The following LMNTD1 variants were observed in gnomAD, a reference collection of about 807,000 sequenced individuals.
LMNTD1 encodes the protein lamin tail domain-containing protein 1.
LMNTD1 carries 35 observed loss-of-function variants against 50.9 expected under a neutral mutation model. That is an observed-to-expected ratio of 0.69 (90% CI 0.53 to 0.91). LMNTD1 has a LOEUF of 0.91. LMNTD1 is among the 40% of genes least tolerant of loss of function. The pLI, the probability that LMNTD1 is intolerant of heterozygous loss-of-function variation, is 0.00. For synonymous variants in LMNTD1, 153 were observed against 161.9 expected, an observed-to-expected ratio of 0.94 and a Z score of 0.42; for missense variants, 470 against 475.5, an observed-to-expected ratio of 0.99 and a Z score of 0.11.
At chr12:25,512,544 G>A (rs981303571) in intron 8 of LMNTD1, among the ~76,000 whole-genome samples, 3 of 151,828 alleles carry the variant, frequency 2.0e-5, no homozygotes, top group African/African-American at 7.3e-5. Context: ...ATTCAAAAGC[G>A]GAAAATTTTC....
At chr12:25,595,842 C>A (rs972631354) in intron 1 of LMNTD1, among the ~76,000 whole-genome samples, 2 of 151,770 alleles carry the variant, frequency 1.3e-5, no homozygotes, top group Non-Finnish European at 2.9e-5. Flanking sequence ...AGATCATTAG[C>A]AAGATTAACC....
chr12:25,533,317 T>C (rs1942350017), intron 4 of LMNTD1, among the ~76,000 whole-genome samples: 1 of 152,174 alleles, frequency 6.6e-6, no homozygotes, highest in African/African-American at 2.4e-5. Context: ...TGTGATTGAC[T>C]GAGAGTGGAG....
chr12:25,572,325 T>C (rs1415754665), intron 1 of LMNTD1, among the ~76,000 whole-genome samples: 1 of 152,252 alleles, frequency 6.6e-6, no homozygotes, highest in Non-Finnish European at 1.5e-5. Context: ...CAGAGTATTG[T>C]GATTTAATTT....
rs891411954 is a variant in LMNTD1, at chr12:25,533,465, C to T, written c.492-6510G>A. On this transcript the variant is annotated intron_variant, in intron 4 of 9. Coordinates refer to ENST00000458174, the MANE Select transcript of LMNTD1 (RefSeq NM_001145728.2). ...CACTAATTTATCTATTTGTTGGGCT[C>T]TCCTTGATAGCTCCATGCTATTTAT... Among the ~76,000 whole-genome samples, 9 of 150,790 alleles carry T rather than the reference C, an allele frequency of 6.0e-5. No individual in the cohort carries two copies. In the Admixed American group the frequency reaches 6.0e-4, roughly 10 times the overall value.
chr12:25,534,112 G>A (rs915126035), intron 4 of LMNTD1, among the ~76,000 whole-genome samples: 2 of 152,098 alleles, frequency 1.3e-5, no homozygotes, highest in East Asian at 1.9e-4. Context: ...TCCTAATAAT[G>A]TCTCTACTTT....
chr12:25,638,298 C>T (rs896530191), intron 1 of LMNTD1, among the ~76,000 whole-genome samples: 1 of 152,066 alleles, frequency 6.6e-6, no homozygotes, highest in Non-Finnish European at 1.5e-5. Context: ...TGTCCACTCT[C>T]ATCACATCTA....
At chr12:25,543,166 G>T (rs925837116) in intron 4 of LMNTD1, among the ~76,000 whole-genome samples, 3 of 151,574 alleles carry the variant, frequency 2.0e-5, no homozygotes, top group Non-Finnish European at 1.5e-5. Context: ...GGCCCAGATG[G>T]CTTCACCAAT....
chr12:25,637,421 A>T (rs1946859650), intron 1 of LMNTD1, among the ~76,000 whole-genome samples: 1 of 152,190 alleles, frequency 6.6e-6, no homozygotes. Flanking sequence ...AAATAACATT[A>T]TTTTTAAAAG....
intron 4 of LMNTD1, among the ~76,000 whole-genome samples, chr12:25,542,383 A>G (rs1310751293): frequency 1.3e-5 from 2 of 150,626 alleles, no homozygotes; most frequent in Non-Finnish European, 3.0e-5. Flanking sequence ...ATGGAATACT[A>G]TGCAGCCATA....
At chr12:25,514,063 T>C (rs1398999623) in intron 8 of LMNTD1, among the ~76,000 whole-genome samples, 1 of 152,114 alleles carries the variant, frequency 6.6e-6, no homozygotes, top group Non-Finnish European at 1.5e-5. Flanking sequence ...AAAATGATTC[T>C]TGTAAAGAGG....
intron 1 of LMNTD1, among the ~76,000 whole-genome samples, chr12:25,591,815 G>GAGAC (rs918891386): frequency 3.6e-5 from 4 of 111,274 alleles, no homozygotes; most frequent in African/African-American, 8.4e-5. Context: ...TCAGAACAGA[G>GAGAC]AGAGAGAGAG....
At chr12:25,559,809 T>C (rs1222437174) in intron 1 of LMNTD1, among the ~76,000 whole-genome samples, 1 of 152,246 alleles carries the variant, frequency 6.6e-6, no homozygotes, top group Non-Finnish European at 1.5e-5. Flanking sequence ...ATGATGAACA[T>C]TTTTTCACGT....
chr12:25,501,962 G>T lies in LMNTD1; in HGVS notation c.*22+1776C>A, dbSNP rs538274541. Among the ~76,000 whole-genome samples, 5 of 152,282 alleles carry T rather than the reference G, an allele frequency of 3.3e-5. No homozygotes were observed. In the South Asian group the frequency reaches 8.3e-4, roughly 25 times the overall value. ...ATCAACTCTGAAGATACCACCAGAG[G>T]GGGGTGGGAGCTCTGAGAAAACAGA... On this transcript the variant is annotated intron_variant, in intron 9 of 9. Coordinates refer to ENST00000458174, the MANE Select transcript of LMNTD1 (RefSeq NM_001145728.2).
intron 1 of LMNTD1, among the ~76,000 whole-genome samples, chr12:25,598,025 G>A (rs770109591): frequency 3.2e-4 from 48 of 152,144 alleles, no homozygotes; most frequent in Non-Finnish European, 5.3e-4. Flanking sequence ...GAGATCTGAT[G>A]TTTTTATAAA....
intron 1 of LMNTD1, among the ~76,000 whole-genome samples, chr12:25,621,330 T>A (rs1946469254): frequency 6.6e-6 from 1 of 152,094 alleles, no homozygotes; most frequent in Admixed American, 6.5e-5. Context: ...GATCAAGCAA[T>A]CCTTACACCT....
chr12:25,508,465 T>C (rs1037772478), intron 8 of LMNTD1, among the ~76,000 whole-genome samples: 1 of 152,188 alleles, frequency 6.6e-6, no homozygotes, highest in Admixed American at 6.5e-5. Context: ...CAGTAGTTCA[T>C]TCATTTTCAT....
chr12:25,518,834 G>A lies in LMNTD1; in HGVS notation c.1150C>T (p.Gln384Ter), dbSNP rs569502548. The A allele has an allele frequency of 1.9e-6, 3 of 1,614,140 alleles. No individual in the cohort carries two copies. The highest frequency in any genetic ancestry group is 1.3e-5 in the African/African-American group (1 of 75,036). Residue 384 changes from glutamine to a stop codon, truncating the protein, a stop_gained, in exon 8 of 10, where the codon CAG becomes TAG. Coordinates refer to ENST00000458174, the MANE Select transcript of LMNTD1 (RefSeq NM_001145728.2). LOFTEE classifies it high-confidence loss of function. ...GGTCTGGTTGACCGAGTCCTGGGCT[G>A]TCTATCCAATCTGCCTCCAGCGGTG... is the stretch of plus-strand genomic sequence containing the variant. ...TSTAGGRLDR[Q>*]PRTRSTRPNR...
At chr12:25,593,295 T>C (rs1221836806) in intron 1 of LMNTD1, among the ~76,000 whole-genome samples, 2 of 152,096 alleles carry the variant, frequency 1.3e-5, no homozygotes, top group Non-Finnish European at 2.9e-5. Flanking sequence ...CAAGGACCCT[T>C]ACAGAGCACA....
At chr12:25,572,887 G>A (rs1320648766) in intron 1 of LMNTD1, among the ~76,000 whole-genome samples, 1 of 140,172 alleles carries the variant, frequency 7.1e-6, no homozygotes, top group Non-Finnish European at 1.5e-5. Context: ...CTGCTCACTC[G>A]CATTTCCCAT....
Sources: gnomAD v4.1 joint callset for allele counts (sites outside exome capture counted in the v4.1 genomes callset) on GRCh38, gnomAD v4.1.1 for gene constraint, MANE v1.5 for transcripts, NCBI Gene and HGNC (gene_info 2026-07-23, HGNC 2026-07-21) for gene names.